Variants in SAMD12 observed in about 807,000 individuals in gnomAD.
SAMD12 encodes sterile alpha motif domain-containing protein 12.
In SAMD12, 9 loss-of-function variants were observed where a neutral mutation model predicts 15.0. That is an observed-to-expected ratio of 0.60 (90% CI 0.36 to 1.05). SAMD12 has a LOEUF of 1.05. SAMD12 is among the 50% of genes least tolerant of loss of function. The pLI is 0.01. For synonymous variants in SAMD12, 86 were observed against 90.1 expected (o/e 0.96, Z 0.25); for missense variants, 230 against 234.2 (o/e 0.98, Z 0.12).
At chr8:118,345,934 G>A (rs903190621) in intron 4 of SAMD12, among the ~76,000 whole-genome samples, 2 of 152,208 alleles carry the variant, frequency 1.3e-5, no homozygotes, top group Non-Finnish European at 2.9e-5. Context: ...GGAGGAGGAG[G>A]AGTACCAGGA....
At chr8:118,610,974 T>C (rs1334579157) in intron 1 of SAMD12, among the ~76,000 whole-genome samples, 1 of 152,162 alleles carries the variant, frequency 6.6e-6, no homozygotes, top group Non-Finnish European at 1.5e-5. Flanking sequence ...CAGGACCCCA[T>C]TTCTGATTTA....
chr8:118,500,342 T>A (rs934706449), intron 2 of SAMD12, among the ~76,000 whole-genome samples: 3 of 151,746 alleles, frequency 2.0e-5, no homozygotes, highest in African/African-American at 4.8e-5. Flanking sequence ...CCTCCCAAAG[T>A]GCTGGGATTA....
chr8:118,545,830 G>C (rs1423725288), intron 2 of SAMD12, among the ~76,000 whole-genome samples: 1 of 152,160 alleles, frequency 6.6e-6, no homozygotes, highest in Non-Finnish European at 1.5e-5. Flanking sequence ...TTCCACTAGA[G>C]TCTTGGTTAA....
chr8:118,487,131 T>A (rs1160405202), intron 2 of SAMD12, among the ~76,000 whole-genome samples: 1 of 152,054 alleles, frequency 6.6e-6, no homozygotes, highest in Admixed American at 6.6e-5. Flanking sequence ...AGCACAAGTG[T>A]TCATAAAGGA....
intron 4 of SAMD12, among the ~76,000 whole-genome samples, chr8:118,355,582 A>C (rs1276537442): frequency 2.0e-5 from 3 of 152,226 alleles, no homozygotes; most frequent in African/African-American, 7.2e-5. Flanking sequence ...AAAGGGATAG[A>C]CTAGACAGTT....
In SAMD12 at chr8:118,379,200, A is replaced by G. The variant is rs563729043; in HGVS notation, c.*217T>C. 8 of 1,371,128 alleles carry G rather than the reference A, an allele frequency of 5.8e-6. No homozygotes were observed. In the South Asian group the frequency reaches 1.4e-4, roughly 24 times the overall value. 84.9% of individuals were successfully genotyped at this position (1,371,128 alleles called of 1,614,324 possible). ...GTGAAGATAGCTACAGCTGGACTGT[A>G]CAGTTGTGCAGGCTGCACATTATAC... is the stretch of plus-strand genomic sequence containing the variant. On this transcript the variant is annotated 3_prime_UTR_variant, in exon 4 of 4. Transcript: ENST00000314727.
intron 4 of SAMD12, among the ~76,000 whole-genome samples, chr8:118,305,876 G>A (rs948513214): frequency 2.6e-5 from 4 of 152,126 alleles, no homozygotes; most frequent in Non-Finnish European, 4.4e-5. Context: ...AGCATTGGAA[G>A]GAGGCCGAGG....
At chr8:118,396,966 CAT>C (rs1314600887) in intron 3 of SAMD12, among the ~76,000 whole-genome samples, 4 of 152,148 alleles carry the variant, frequency 2.6e-5, no homozygotes, top group Non-Finnish European at 4.4e-5. Context: ...GGGTGAGACA[CAT>C]GTTTCTGGCT....
intron 2 of SAMD12, among the ~76,000 whole-genome samples, chr8:118,505,596 T>C (rs973059036): frequency 1.3e-5 from 2 of 151,926 alleles, no homozygotes; most frequent in African/African-American, 4.8e-5. Flanking sequence ...AAAAGCCACA[T>C]GCTAAGGAAG....
chr8:118,315,871 A>G (rs1445799173), intron 4 of SAMD12, among the ~76,000 whole-genome samples: 1 of 152,122 alleles, frequency 6.6e-6, no homozygotes, highest in Non-Finnish European at 1.5e-5. Context: ...GAATGGAGTT[A>G]TTACCAGGTT....
intron 2 of SAMD12, among the ~76,000 whole-genome samples, chr8:118,490,050 G>A (rs1332477899): frequency 6.6e-6 from 1 of 152,086 alleles, no homozygotes; most frequent in Non-Finnish European, 1.5e-5. Context: ...AAGGCAGATA[G>A]GAAAGGTCTT....
At chr8:118,242,510 CCTA>C (rs1238173658) in intron 4 of SAMD12, among the ~76,000 whole-genome samples, 3 of 151,918 alleles carry the variant, frequency 2.0e-5, no homozygotes, top group African/African-American at 7.3e-5. Context: ...CTATAATTGT[CCTA>C]TTATATTAGT....
intron 2 of SAMD12, among the ~76,000 whole-genome samples, chr8:118,567,549 T>C (rs1191139933): frequency 2.0e-5 from 3 of 152,186 alleles, no homozygotes; most frequent in Non-Finnish European, 4.4e-5. Flanking sequence ...ACTTACTACC[T>C]AAACTGAGGA....
intron 1 of SAMD12, among the ~76,000 whole-genome samples, chr8:118,612,650 C>T (rs961712821): frequency 3.3e-5 from 5 of 152,288 alleles, no homozygotes; most frequent in East Asian, 1.9e-4. Context: ...TCTGGAAAAC[C>T]GCTCAGCAGT....
chr8:118,225,319 A>C (rs2514968), intron 4 of SAMD12, among the ~76,000 whole-genome samples: 134,328 of 152,096 alleles, frequency 0.88, 59,952 homozygotes, highest in Non-Finnish European at 0.92. Context: ...AAGCTTACAA[A>C]CCCAACGAGA....
At chr8:118,420,430 GA>G (rs1284920601) in intron 3 of SAMD12, among the ~76,000 whole-genome samples, 2 of 152,168 alleles carry the variant, frequency 1.3e-5, no homozygotes. Flanking sequence ...AATGTATCTG[GA>G]AAACAGACAC....
In SAMD12 at chr8:118,378,286, T is replaced by G. The variant is rs1819488705; in HGVS notation, c.*1131A>C. On this transcript the variant is annotated 3_prime_UTR_variant, in exon 4 of 4. Coordinates refer to ENST00000314727, the MANE Select transcript of SAMD12 (RefSeq NM_207506.3). ...TAGGTTGCTTGTAAATTTTCCGTTT[T>G]CCAAATAGCACTGTGACAGACTTTC... is the stretch of plus-strand genomic sequence containing the variant. 1.6e-6 allele frequency: 1 copy of G among 640,900 alleles called. No homozygotes were observed. The highest frequency in any genetic ancestry group is 2.0e-5 in the African/African-American group (1 of 50,196). The allele number at this position is 640,900 out of a possible 1,614,324, so 39.7% of individuals were successfully genotyped here.
chr8:118,257,885 A>G (rs1306205543), intron 4 of SAMD12, among the ~76,000 whole-genome samples: 3 of 152,150 alleles, frequency 2.0e-5, no homozygotes, highest in Non-Finnish European at 4.4e-5. Flanking sequence ...TATTATGTAC[A>G]GAGCCATTTT....
At chr8:118,618,371 C>T (rs1828298515) in intron 1 of SAMD12, among the ~76,000 whole-genome samples, 1 of 152,156 alleles carries the variant, frequency 6.6e-6, no homozygotes. Context: ...TAGTAAAAAA[C>T]CTTCTAATTT....
Sources: allele counts gnomAD v4.1 joint callset (sites outside exome capture counted in the v4.1 genomes callset), GRCh38; gene constraint gnomAD v4.1.1; transcripts MANE v1.5; gene names NCBI Gene and HGNC (gene_info 2026-07-23, HGNC 2026-07-21).